The following GAB3 variants were observed in gnomAD, a reference collection of about 807,000 sequenced individuals.
GAB3 encodes the protein GRB2-associated-binding protein 3.
Under a neutral mutation model 40.4 loss-of-function variants are expected in GAB3, and 12 were observed. The ratio of observed to expected loss-of-function variants is 0.30; its 90% CI spans 0.19 to 0.48. The LOEUF (loss-of-function observed/expected upper bound fraction) is 0.48, where lower values mean the gene tolerates loss of function less well. GAB3 is among the 20% of genes least tolerant of loss of function. GAB3 has a pLI of 0.99. For missense variants in GAB3, 381 were observed against 461.9 expected (o/e 0.82, Z 1.61); for synonymous variants, 154 against 176.7 (o/e 0.87, Z 1.02).
intron 1 of GAB3, among the ~76,000 whole-genome samples, chrX:154,729,807 T>C (rs2071267010): frequency 1.8e-5 from 2 of 112,004 alleles, no homozygotes; most frequent in African/African-American, 6.5e-5. Flanking sequence ...AAACTGGTAC[T>C]CAGACAGATG....
At chrX:154,704,982 T>C (rs190529266) in intron 4 of GAB3, among the ~76,000 whole-genome samples, 26 of 111,544 alleles carry the variant, frequency 2.3e-4, no homozygotes, top group Admixed American at 2.3e-3. Context: ...AGAAACTTGA[T>C]GGCTTTACTG....
intron 2 of GAB3, among the ~76,000 whole-genome samples, chrX:154,715,418 GT>G (rs1557257426): frequency 3.8e-4 from 41 of 108,212 alleles, no homozygotes; most frequent in African/African-American, 1.3e-3. Context: ...GTGTGCGTGT[GT>G]GCGTGTGGCA....
chrX:154,737,360 T>A (rs1448059096), intron 1 of GAB3, among the ~76,000 whole-genome samples: 2 of 111,556 alleles, frequency 1.8e-5, no homozygotes, highest in African/African-American at 3.3e-5. Flanking sequence ...TCTCCTCTTA[T>A]CTCTTCTCAG....
At chrX:154,706,182 G>A (rs1030415544) in intron 4 of GAB3, among the ~76,000 whole-genome samples, 2 of 111,430 alleles carry the variant, frequency 1.8e-5, no homozygotes, top group East Asian at 2.8e-4. Flanking sequence ...TTGGGAGGCC[G>A]AGGCAGGCAG....
At chrX:154,703,985 A>T (rs1242647490) in intron 4 of GAB3, among the ~76,000 whole-genome samples, 2 of 112,103 alleles carry the variant, frequency 1.8e-5, no homozygotes, top group Non-Finnish European at 3.8e-5. Context: ...ATTTGGAAGC[A>T]ACCAAAGTGC....
rs1051090461 is a variant in GAB3, at chrX:154,733,333, T to A, written c.73-17004A>T. ...GTCTGTGAACTGCTGTTCATGTATGTTGCCCATTTTCCAATTGTGATGCTG... is the reference window on the plus strand; with the variant it reads ...GTCTGTGAACTGCTGTTCATGTATGATGCCCATTTTCCAATTGTGATGCTG... On this transcript the variant is annotated intron_variant, in intron 1 of 9. Transcript: ENST00000424127. Among the ~76,000 whole-genome samples, 3 of 112,536 alleles carry A rather than the reference T, an allele frequency of 2.7e-5. No homozygotes were observed. The Admixed American group carries it at 2.8e-4, about 11-fold the overall frequency.
intron 1 of GAB3, among the ~76,000 whole-genome samples, chrX:154,743,356 G>C (rs1261453873): frequency 9.0e-6 from 1 of 111,530 alleles, no homozygotes; most frequent in Non-Finnish European, 1.9e-5. Context: ...AATGCTGAAG[G>C]AAGTTCTTCA....
chrX:154,746,540 C>A (rs1557262074), intron 1 of GAB3, among the ~76,000 whole-genome samples: 1 of 111,980 alleles, frequency 8.9e-6, no homozygotes, highest in East Asian at 2.8e-4. Flanking sequence ...TGAGAAGAAG[C>A]CTCAGCAAAC....
At chrX:154,680,011 T>C (rs1199548263) in intron 9 of GAB3, 121 bp downstream of exon 9, 3 of 500,631 alleles carry the variant, frequency 6.0e-6, no homozygotes, top group Non-Finnish European at 1.0e-5. Flanking sequence ...TTTAATATTC[T>C]TCATTATACA....
Position 154,744,212 on chromosome X carries a change from C to CAAA in GAB3, c.72+6739_72+6741dup, listed in dbSNP as rs56796528. ...CTGGTGACAGAGTGAGATTCCATCT[C>CAAA]AAAAAAAAAAAAAAAAAAAAAAAAA... On this transcript the variant is annotated intron_variant, in intron 1 of 9. Transcript: ENST00000424127. Among the ~76,000 whole-genome samples, 36 of 30,557 alleles carry CAAA rather than the reference C, an allele frequency of 1.2e-3. 4 individuals are homozygous for CAAA. In the South Asian group the frequency reaches 0.017, roughly 15 times the overall value. 26.5% of individuals were successfully genotyped at this position (30,557 alleles called of 115,157 possible).
Position 154,712,427 on chromosome X carries a change from G to C in GAB3, c.871C>G (p.Gln291Glu). 1 of 1,211,437 alleles carries C rather than the reference G, an allele frequency of 8.3e-7. No individual in the cohort carries two copies. Among genetic ancestry groups the C allele is most frequent in the Non-Finnish European group, 1.1e-6 (1 of 895,204 alleles). Residue 291 changes from glutamine (Q) to glutamate (E), a missense_variant, in exon 4 of 10, where the codon CAA becomes GAA. Gln to Glu is a conservative substitution (Grantham distance 29). Transcript: ENST00000424127. ...TTTGCTCCACAGGGTAAGGAACCTT[G>C]ATTTTTATCTACCTGAATGGTGGAA... ...LSSTIQVDKN[Q>E]GSLPCGAKEL...
chrX:154,735,544 G>A (rs1011437070), intron 1 of GAB3, among the ~76,000 whole-genome samples: 42 of 111,913 alleles, frequency 3.8e-4, no homozygotes, highest in Admixed American at 3.5e-3. Context: ...TGGAATTCTC[G>A]ACTCCTTTCT....
Position 154,697,259 on chromosome X carries a change from A to T in GAB3, c.1346-46T>A, listed in dbSNP as rs782111234. 10 of 900,517 alleles carry T rather than the reference A, an allele frequency of 1.1e-5. No homozygotes were observed. In the South Asian group the frequency reaches 2.6e-4, roughly 23 times the overall value. 74.2% of individuals were successfully genotyped at this position (900,517 alleles called of 1,213,427 possible). ...TCCAGGAGGTCAAGGCCAGAGTCTA[A>T]AGACTGTAAAACTATGACATTTCAC... On this transcript the variant is annotated intron_variant, in intron 6 of 9. Coordinates refer to ENST00000424127, the MANE Select transcript of GAB3 (RefSeq NM_001081573.3).
chrX:154,721,414 A>C (rs1275215513), intron 1 of GAB3, among the ~76,000 whole-genome samples: 2 of 112,465 alleles, frequency 1.8e-5, no homozygotes, highest in Non-Finnish European at 1.9e-5. Context: ...CCATAGCAGA[A>C]GGCAGAAGGG....
At chrX:154,746,792 T>C (rs2071535805) in intron 1 of GAB3, among the ~76,000 whole-genome samples, 1 of 112,317 alleles carries the variant, frequency 8.9e-6, no homozygotes, top group Non-Finnish European at 1.9e-5. Flanking sequence ...GTGAAATCAA[T>C]TGACAAACCA....
intron 7 of GAB3, 59 bp from the exon 8 acceptor site, chrX:154,696,078 G>A: frequency 4.3e-6 from 3 of 692,318 alleles, no homozygotes; most frequent in Non-Finnish European, 6.6e-6. Context: ...CTGAAAGCTG[G>A]CCAGGAACTA....
At chrX:154,710,435 TG>T (rs1557255548) in intron 4 of GAB3, among the ~76,000 whole-genome samples, 20 of 111,762 alleles carry the variant, frequency 1.8e-4, no homozygotes, top group African/African-American at 6.5e-4. Context: ...GTGGCACTGG[TG>T]CAAGCTGGAC....
At chrX:154,684,501 T>C (rs1218805526) in intron 8 of GAB3, among the ~76,000 whole-genome samples, 2 of 111,852 alleles carry the variant, frequency 1.8e-5, no homozygotes, top group African/African-American at 6.5e-5. Context: ...TCTTAGGTAG[T>C]TAATCTCTCA....
chrX:154,687,546 A>G (rs1293504550), intron 8 of GAB3, among the ~76,000 whole-genome samples: 1 of 106,158 alleles, frequency 9.4e-6, no homozygotes, highest in Non-Finnish European at 1.9e-5. Flanking sequence ...AGGCAGGAGA[A>G]CAGCATGAAC....
Sources: allele counts gnomAD v4.1 joint callset (sites outside exome capture counted in the v4.1 genomes callset), GRCh38; gene constraint gnomAD v4.1.1; transcripts MANE v1.5; gene names NCBI Gene and HGNC (gene_info 2026-07-23, HGNC 2026-07-21).